The following SENP8 variants were observed in gnomAD, a reference collection of about 807,000 sequenced individuals.
The protein encoded by SENP8 is sentrin-specific protease 8.
A neutral mutation model predicts 14.4 loss-of-function variants in SENP8; 10 were observed. The observed-to-expected ratio is 0.69, with a 90% CI of 0.43 to 1.18. The LOEUF is 1.18. Ranked by LOEUF, SENP8 falls within the 50% of genes most tolerant of loss-of-function variation. The pLI, the probability that SENP8 is intolerant of heterozygous loss-of-function variation, is 0.00. For synonymous variants in SENP8, 94 were observed against 95.5 expected (o/e 0.98, Z 0.09); for missense variants, 202 against 249.4 (o/e 0.81, Z 1.28).
chr15:72,117,901 A>G (rs1209623753), upstream of SENP8: 5 of 398,242 alleles, frequency 1.3e-5, no homozygotes, highest in Non-Finnish European at 2.2e-5. Flanking sequence ...GAGCAGGCAC[A>G]TCCCCCGCCG....
chr15:72,132,562 C>T (rs973215462), intron 1 of SENP8, among the ~76,000 whole-genome samples: 4 of 151,220 alleles, frequency 2.6e-5, no homozygotes, highest in Non-Finnish European at 4.4e-5. Context: ...TGCTAGGTCC[C>T]CTTCCATCTC....
chr15:72,119,736 A>G (rs1023378344), intron 1 of SENP8, among the ~76,000 whole-genome samples: 1 of 152,272 alleles, frequency 6.6e-6, no homozygotes, highest in Non-Finnish European at 1.5e-5. Context: ...TGACAGAGCG[A>G]GACTCCGTCC....
intron 1 of SENP8, among the ~76,000 whole-genome samples, chr15:72,131,387 CCTAA>C (rs1018070345): frequency 2.6e-5 from 4 of 151,760 alleles, no homozygotes; most frequent in Non-Finnish European, 5.9e-5. Flanking sequence ...GGTCTGACTC[CCTAA>C]CTAATATTTT....
intron 1 of SENP8, among the ~76,000 whole-genome samples, chr15:72,137,081 T>G (rs2081334470): frequency 6.6e-6 from 1 of 152,184 alleles, no homozygotes; most frequent in Admixed American, 6.5e-5. Context: ...TTTGATTGGT[T>G]TGGAGCTCTA....
At chr15:72,135,813 T>G (rs1468743793) in intron 1 of SENP8, among the ~76,000 whole-genome samples, 1 of 152,236 alleles carries the variant, frequency 6.6e-6, no homozygotes, top group East Asian at 1.9e-4. Flanking sequence ...AGGTGAGAGA[T>G]GACTGACTGT....
chr15:72,131,840 A>G (rs375557186), intron 1 of SENP8, among the ~76,000 whole-genome samples: 1 of 152,314 alleles, frequency 6.6e-6, no homozygotes, highest in East Asian at 1.9e-4. Context: ...TCCATCTTTG[A>G]TAACTTTGTG....
chr15:72,121,459 T>C (rs1350349961), intron 1 of SENP8, among the ~76,000 whole-genome samples: 1 of 152,064 alleles, frequency 6.6e-6, no homozygotes, highest in Non-Finnish European at 1.5e-5. Context: ...CCAGGTGCAG[T>C]GGCTCAGGCC....
chr15:72,132,050 G>A (rs982916985), intron 1 of SENP8, among the ~76,000 whole-genome samples: 2 of 152,106 alleles, frequency 1.3e-5, no homozygotes, highest in African/African-American at 4.8e-5. Flanking sequence ...TCATCTTACA[G>A]ATGAGGAAAA....
chr15:72,116,674 C>G (rs2080991220), upstream of SENP8, among the ~76,000 whole-genome samples: 1 of 152,134 alleles, frequency 6.6e-6, no homozygotes, highest in South Asian at 2.1e-4. Context: ...AAATAAGAAA[C>G]AGTTCTAGTA....
At chr15:72,119,619 G>GCGC (rs1321973416) in intron 1 of SENP8, among the ~76,000 whole-genome samples, 2 of 152,146 alleles carry the variant, frequency 1.3e-5, no homozygotes, top group East Asian at 3.9e-4. Context: ...GTGGTAGCAG[G>GCGC]CGCCTGTAGT....
intron 1 of SENP8, among the ~76,000 whole-genome samples, chr15:72,126,777 A>G (rs1011815641): frequency 6.6e-6 from 1 of 152,198 alleles, no homozygotes; most frequent in Non-Finnish European, 1.5e-5. Context: ...CTACTACACT[A>G]TGAGAACAGA....
intron 1 of SENP8, among the ~76,000 whole-genome samples, chr15:72,135,994 C>A (rs1334027757): frequency 6.6e-6 from 1 of 152,160 alleles, no homozygotes; most frequent in Non-Finnish European, 1.5e-5. Context: ...GATGCTGTAG[C>A]CAGGGAGCAG....
At chr15:72,129,455 T>G (rs910787043) in intron 1 of SENP8, among the ~76,000 whole-genome samples, 3 of 151,178 alleles carry the variant, frequency 2.0e-5, no homozygotes, top group African/African-American at 7.3e-5. Context: ...CTCCGCCTCC[T>G]GGGTTCAAGC....
upstream of SENP8, chr15:72,118,184 G>GTCGGCCCCGCCCTGTC (rs2081077903): frequency 2.7e-6 from 1 of 364,712 alleles, no homozygotes; most frequent in Admixed American, 4.7e-5. Flanking sequence ...GCCAGCACGG[G>GTCGGCCCCGCCCTGTC]TCGGCCCCGC....
chr15:72,131,686 C>T (rs1348503214), intron 1 of SENP8, among the ~76,000 whole-genome samples: 1 of 152,130 alleles, frequency 6.6e-6, no homozygotes, highest in African/African-American at 2.4e-5. Flanking sequence ...AAACTAACCC[C>T]TGTAATGACA....
At chr15:72,136,143 ACAAT>A (rs1475721853) in intron 1 of SENP8, among the ~76,000 whole-genome samples, 1 of 152,258 alleles carries the variant, frequency 6.6e-6, no homozygotes, top group African/African-American at 2.4e-5. Flanking sequence ...ATTATAGGAA[ACAAT>A]CCTGTCTGTT....
chr15:72,121,926 A>G (rs1353762540), intron 1 of SENP8, among the ~76,000 whole-genome samples: 1 of 152,226 alleles, frequency 6.6e-6, no homozygotes, highest in East Asian at 1.9e-4. Context: ...TAGTACTTCT[A>G]ATAAAGCAAT....
intron 1 of SENP8, among the ~76,000 whole-genome samples, chr15:72,129,392 C>T (rs1015237974): frequency 1.1e-4 from 17 of 151,068 alleles, no homozygotes; most frequent in Non-Finnish European, 1.2e-4. Flanking sequence ...GAGACAGTTT[C>T]GCTGTTGTTG....
In SENP8 at chr15:72,140,882, C is replaced by T. The variant is rs1279752267; in HGVS notation, c.*620C>T. Reference sequence around the variant, plus strand: ...AATATTTGATAAAGATGATGTTACCCTATCTTCCTCCATCTGATTCCTGGA... The same window carrying T: ...AATATTTGATAAAGATGATGTTACCTTATCTTCCTCCATCTGATTCCTGGA... On this transcript the variant is annotated 3_prime_UTR_variant, in exon 2 of 2. Transcript: ENST00000340912. 1 of 167,138 alleles carries T rather than the reference C, an allele frequency of 6.0e-6. No homozygotes were observed. Among genetic ancestry groups the T allele is most frequent in the Non-Finnish European group, 1.5e-5 (1 of 68,156 alleles). The allele number at this position is 167,138 out of a possible 1,614,324, so 10.4% of individuals were successfully genotyped here.
Sources: allele counts gnomAD v4.1 joint callset (sites outside exome capture counted in the v4.1 genomes callset), GRCh38; gene constraint gnomAD v4.1.1; transcripts MANE v1.5; gene names NCBI Gene and HGNC (gene_info 2026-07-23, HGNC 2026-07-21).